The following ARHGAP25 variants were observed in gnomAD, a reference collection of about 807,000 sequenced individuals.
ARHGAP25 encodes the protein Rho GTPase activating protein 25.
Under a neutral mutation model 71.0 loss-of-function variants are expected in ARHGAP25, and 34 were observed. The observed-to-expected ratio is 0.48, with a 90% CI of 0.36 to 0.64. The LOEUF is 0.64. Among genes scored for constraint, ARHGAP25 ranks in the 30% least tolerant of loss-of-function variants. ARHGAP25 has a pLI of 0.00. For synonymous variants in ARHGAP25, 282 were observed against 296.5 expected (o/e 0.95, Z 0.50); for missense variants, 706 against 805.1 (o/e 0.88, Z 1.49).
intron 5 of ARHGAP25, among the ~76,000 whole-genome samples, chr2:68,813,010 A>T (rs1680941639): frequency 6.6e-6 from 1 of 152,208 alleles, no homozygotes; most frequent in South Asian, 2.1e-4. Flanking sequence ...TAAAGACGAA[A>T]ATCATTAAGG....
rs953526231 is a variant in ARHGAP25, at chr2:68,802,960, C to T, written c.467-4313C>T. ...ACACATATGTGTGTGTATATATATACACACACATATATACACATATATATA... is the reference window on the plus strand; with the variant it reads ...ACACATATGTGTGTGTATATATATATACACACATATATACACATATATATA... On this transcript the variant is annotated intron_variant, in intron 4 of 10. Transcript: ENST00000409202. Among the ~76,000 whole-genome samples the T allele has an allele frequency of 3.7e-5, 5 of 133,918 alleles. No individual in the cohort carries two copies. In the East Asian group the frequency reaches 7.8e-4, roughly 21 times the overall value. 87.9% of individuals were successfully genotyped at this position (133,918 alleles called of 152,430 possible).
chr2:68,803,949 T>C (rs895199243), intron 4 of ARHGAP25, among the ~76,000 whole-genome samples: 1 of 152,140 alleles, frequency 6.6e-6, no homozygotes, highest in Non-Finnish European at 1.5e-5. Flanking sequence ...TTCCACAATA[T>C]GGTTGTGCAT....
intron 1 of ARHGAP25, among the ~76,000 whole-genome samples, chr2:68,736,059 T>G (rs1675198222): frequency 6.6e-6 from 1 of 152,220 alleles, no homozygotes; most frequent in African/African-American, 2.4e-5. Context: ...TTTATGTATC[T>G]CACCCATACA....
At chr2:68,757,715 A>G (rs1006465502) in intron 1 of ARHGAP25, 1 of 152,176 alleles carries the variant, frequency 6.6e-6, no homozygotes, top group Non-Finnish European at 1.5e-5. Flanking sequence ...ATGAAGAAAA[A>G]AAGATCTCAG....
At chr2:68,798,805 A>C (rs1308036242) in intron 4 of ARHGAP25, among the ~76,000 whole-genome samples, 1 of 152,230 alleles carries the variant, frequency 6.6e-6, no homozygotes, top group Non-Finnish European at 1.5e-5. Flanking sequence ...AGCATGTGCA[A>C]AGGTCCTGTG....
At chr2:68,769,752 T>G (rs1464811013) in intron 1 of ARHGAP25, among the ~76,000 whole-genome samples, 1 of 147,574 alleles carries the variant, frequency 6.8e-6, no homozygotes, top group Non-Finnish European at 1.5e-5. Context: ...AAGGGATTCT[T>G]GAAGGATAAG....
In ARHGAP25 at chr2:68,819,234, A is replaced by T. The variant is rs751843881; in HGVS notation, c.1115A>T (p.Lys372Met). 4 of 1,614,176 alleles carry T rather than the reference A, an allele frequency of 2.5e-6. No individual in the cohort carries two copies. In the Admixed American group the frequency reaches 5.0e-5, roughly 20 times the overall value. ...CCCCCTGCCCAGAAAAATGACCCCA[A>T]GAAAGCTCCAGTGGCCCGAAGCTCT... ...LSPPAQKNDP[K>M]KAPVARSSVG... The change falls in exon 9 of 11, where the codon AAG becomes ATG. Residue 372 changes from lysine (K) to methionine (M), a missense_variant. Transcript: ENST00000409202.
intron 1 of ARHGAP25, chr2:68,774,688 C>A: frequency 1.0e-6 from 1 of 965,640 alleles, no homozygotes; most frequent in Non-Finnish European, 1.2e-6. Context: ...GCCTGCGTTC[C>A]ACAGCGAGGT....
intron 2 of ARHGAP25, among the ~76,000 whole-genome samples, chr2:68,725,889 C>T (rs1013683005): frequency 1.3e-5 from 2 of 152,138 alleles, no homozygotes; most frequent in African/African-American, 4.8e-5. Flanking sequence ...AAGGTTCTCC[C>T]ACATAGGTTT....
At chr2:68,742,115 C>T (rs938804989) in intron 1 of ARHGAP25, among the ~76,000 whole-genome samples, 9 of 152,154 alleles carry the variant, frequency 5.9e-5, no homozygotes, top group South Asian at 4.1e-4. Flanking sequence ...CTCCTTTCCA[C>T]GCCGTACTAT....
chr2:68,776,839 G>C (rs1240396471), intron 2 of ARHGAP25, among the ~76,000 whole-genome samples: 1 of 152,130 alleles, frequency 6.6e-6, no homozygotes, highest in Non-Finnish European at 1.5e-5. Flanking sequence ...GAAAGGCAAG[G>C]ACAAGAAGTG....
intron 4 of ARHGAP25, among the ~76,000 whole-genome samples, chr2:68,798,272 A>T (rs1679718507): frequency 6.6e-6 from 1 of 152,132 alleles, no homozygotes; most frequent in East Asian, 1.9e-4. Flanking sequence ...TTTAGCCTGG[A>T]GGGGTGTGCA....
intron 1 of ARHGAP25, among the ~76,000 whole-genome samples, chr2:68,771,738 T>C (rs993503563): frequency 1.3e-5 from 2 of 152,212 alleles, no homozygotes; most frequent in African/African-American, 4.8e-5. Flanking sequence ...GTGTGGAACT[T>C]TGTACTGAGC....
At chr2:68,719,239 C>T (rs1011653713) in intron 2 of ARHGAP25, among the ~76,000 whole-genome samples, 3 of 151,970 alleles carry the variant, frequency 2.0e-5, no homozygotes, top group East Asian at 3.9e-4. Flanking sequence ...ATGGGAGCCC[C>T]AGTTTATGGC....
At chr2:68,775,975 G>A (rs1255733404) in intron 2 of ARHGAP25, among the ~76,000 whole-genome samples, 1 of 152,234 alleles carries the variant, frequency 6.6e-6, no homozygotes, top group African/African-American at 2.4e-5. Context: ...TGAGCTAGCA[G>A]ATGTCACGAG....
At chr2:68,775,560 A>C in intron 2 of ARHGAP25, 140 bp downstream of exon 2, 1 of 1,311,810 alleles carries the variant, frequency 7.6e-7, no homozygotes, top group Non-Finnish European at 1.1e-6. Flanking sequence ...TTTTCCCTTT[A>C]CACCATTTTC....
At chr2:68,811,606 C>A (rs915451390) in intron 5 of ARHGAP25, among the ~76,000 whole-genome samples, 1 of 151,990 alleles carries the variant, frequency 6.6e-6, no homozygotes, top group Non-Finnish European at 1.5e-5. Flanking sequence ...TGTGCCAGCC[C>A]GTGTTCTCCT....
intron 9 of ARHGAP25, chr2:68,819,776 G>A (rs1043442581): frequency 1.9e-5 from 7 of 359,124 alleles, no homozygotes; most frequent in Non-Finnish European, 3.5e-5. Context: ...CTCATTCCTC[G>A]ATAAGCCGTC....
intron 2 of ARHGAP25, among the ~76,000 whole-genome samples, chr2:68,716,899 C>T (rs964673615): frequency 1.3e-5 from 2 of 152,176 alleles, no homozygotes; most frequent in Non-Finnish European, 1.5e-5. Context: ...CTTTAAATGT[C>T]AGAATGTGAC....
Sources: gnomAD v4.1 joint callset for allele counts (sites outside exome capture counted in the v4.1 genomes callset) on GRCh38, gnomAD v4.1.1 for gene constraint, MANE v1.5 for transcripts, NCBI Gene and HGNC (gene_info 2026-07-23, HGNC 2026-07-21) for gene names.